The following CRADD variants were observed in gnomAD, a reference collection of about 807,000 sequenced individuals.
The protein encoded by CRADD is death domain-containing protein CRADD.
CRADD carries 9 observed loss-of-function variants against 15.5 expected under a neutral mutation model. The ratio of observed to expected loss-of-function variants is 0.58; its 90% CI spans 0.35 to 1.01. CRADD has a LOEUF of 1.01. Ranked by LOEUF, CRADD falls within the 50% of genes least tolerant of loss-of-function variation. CRADD has a pLI of 0.02. For synonymous variants in CRADD, 118 were observed against 107.6 expected (o/e 1.10, Z -0.60); for missense variants, 227 against 250.3 (o/e 0.91, Z 0.63).
At chr12:93,894,141 A>G (rs867574669) in exon 3 of CRADD, 11 of 702,240 alleles carry the variant, frequency 1.6e-5, no homozygotes, top group East Asian at 5.4e-5. Context: ...TCTCTCTGCC[A>G]TCACCCCAGA....
At chr12:93,686,380 TA>T (rs555897550) in intron 2 of CRADD, among the ~76,000 whole-genome samples, 42 of 150,238 alleles carry the variant, frequency 2.8e-4, no homozygotes, top group Non-Finnish European at 4.9e-4. Flanking sequence ...TTTCATCATA[TA>T]TTTTTTTAAT....
At chr12:93,736,414 A>T (rs1256112818) in intron 2 of CRADD, among the ~76,000 whole-genome samples, 3 of 152,118 alleles carry the variant, frequency 2.0e-5, no homozygotes, top group Admixed American at 6.5e-5. Flanking sequence ...GACCACCATC[A>T]TTTATGTTTT....
intron 2 of CRADD, among the ~76,000 whole-genome samples, chr12:93,816,443 T>TCAC: frequency 6.8e-6 from 1 of 146,254 alleles, no homozygotes; most frequent in Non-Finnish European, 1.5e-5. Flanking sequence ...GTCAGGCTGG[T>TCAC]CTCAAACTCC....
chr12:93,783,812 G>A (rs1957239485), intron 2 of CRADD, among the ~76,000 whole-genome samples: 1 of 152,142 alleles, frequency 6.6e-6, no homozygotes, highest in Admixed American at 6.5e-5. Flanking sequence ...CAAAGCAAAT[G>A]AACAAGTGAA....
In CRADD at chr12:93,824,442, T is replaced by A. The variant is rs1957802867; in HGVS notation, c.299-25528T>A. ...CACATACACACACACACACACACAC[T>A]ACCAGGAAGCAGGCTAAAAGAATAT... On this transcript the variant is annotated intron_variant, in intron 2 of 2. Coordinates refer to ENST00000332896, the MANE Select transcript of CRADD (RefSeq NM_003805.5). The surrounding 1 kb of genome is among the most constrained non-coding windows in gnomAD (Gnocchi z 4.3). 7.1e-6 allele frequency among the ~76,000 whole-genome samples: 1 copy of A among 141,100 alleles called. No individual in the cohort carries two copies. The highest frequency in any genetic ancestry group is 2.6e-5 in the African/African-American group (1 of 38,028). The allele number at this position is 141,100 out of a possible 152,430, so 92.6% of individuals were successfully genotyped here.
chr12:93,775,710 A>G (rs1387234426), intron 2 of CRADD, among the ~76,000 whole-genome samples: 4 of 152,168 alleles, frequency 2.6e-5, no homozygotes, highest in Non-Finnish European at 4.4e-5. Context: ...TCAGAATCCT[A>G]TGATGCTTTC....
intron 2 of CRADD, among the ~76,000 whole-genome samples, chr12:93,888,068 G>C (rs1958550159): frequency 6.6e-6 from 1 of 152,160 alleles, no homozygotes; most frequent in South Asian, 2.1e-4. Context: ...CAAAGGAATA[G>C]GGATGAGAGA....
intron 2 of CRADD, among the ~76,000 whole-genome samples, chr12:93,770,213 A>G (rs2136959553): frequency 6.8e-6 from 1 of 147,828 alleles, no homozygotes; most frequent in South Asian, 2.2e-4. Flanking sequence ...CTCCTGCCTC[A>G]GCCTCCCGAG....
chr12:93,824,104 T>C lies in CRADD; in HGVS notation c.299-25866T>C, dbSNP rs1365926707. On this transcript the variant is annotated intron_variant, in intron 2 of 2. Transcript: ENST00000332896. The surrounding 1 kb of genome is among the most constrained non-coding windows in gnomAD (Gnocchi z 4.3). ...GTGTGTGTTTTGTTTTTATTTGTAA[T>C]ACCCTACTTTGATGTTTCCTGGAAA... 2.6e-5 allele frequency among the ~76,000 whole-genome samples: 4 copies of C among 152,194 alleles called. No homozygotes were observed. The highest frequency in any genetic ancestry group is 7.2e-5 in the African/African-American group (3 of 41,450).
intron 2 of CRADD, among the ~76,000 whole-genome samples, chr12:93,832,953 G>A (rs1397105944): frequency 6.6e-6 from 1 of 152,182 alleles, no homozygotes; most frequent in African/African-American, 2.4e-5. Flanking sequence ...CTCAACATCT[G>A]TACTCTGCTT....
At chr12:93,696,259 A>G (rs1287944737) in intron 2 of CRADD, among the ~76,000 whole-genome samples, 2 of 152,236 alleles carry the variant, frequency 1.3e-5, no homozygotes, top group East Asian at 1.9e-4. Flanking sequence ...AAGTGGAGTC[A>G]GTATATCAAA....
intron 2 of CRADD, among the ~76,000 whole-genome samples, chr12:93,805,613 CA>C (rs1957528676): frequency 7.0e-6 from 1 of 142,634 alleles, no homozygotes; most frequent in Non-Finnish European, 1.5e-5. Flanking sequence ...TAAAAATAAA[CA>C]GCTAACTAAC....
intron 2 of CRADD, among the ~76,000 whole-genome samples, chr12:93,682,074 G>T (rs1285550959): frequency 6.6e-6 from 1 of 151,948 alleles, no homozygotes; most frequent in Non-Finnish European, 1.5e-5. Context: ...ATTAAATTGG[G>T]ATTTACTGAA....
At position 93,785,967 on chromosome 12, in the gene CRADD, G is replaced by C. The variant is rs148649706; in HGVS notation, c.299-64003G>C. 2.0e-3 allele frequency among the ~76,000 whole-genome samples: 311 copies of C among 152,316 alleles called. 1 individual carries two copies. Among genetic ancestry groups the C allele is most frequent in the Non-Finnish European group, 3.8e-3 (261 of 68,036 alleles). On this transcript the variant is annotated intron_variant, in intron 2 of 2. Coordinates refer to ENST00000332896, the MANE Select transcript of CRADD (RefSeq NM_003805.5). ...TGGGATATACAGGTAAGACAGGACT[G>C]GTGGAGCATTAGGTTTGGTTTTTCC...
chr12:93,752,354 A>G (rs1015083076), intron 2 of CRADD, among the ~76,000 whole-genome samples: 3 of 152,236 alleles, frequency 2.0e-5, no homozygotes, highest in African/African-American at 7.2e-5. Flanking sequence ...TGTCAAAAGC[A>G]GGGATTTTAG....
chr12:93,846,783 A>G (rs1187907517), intron 2 of CRADD, among the ~76,000 whole-genome samples: 1 of 152,204 alleles, frequency 6.6e-6, no homozygotes. Flanking sequence ...TCCCAAAAGG[A>G]AGAAACAACT....
At chr12:93,861,473 G>A (rs1039065174) in intron 2 of CRADD, among the ~76,000 whole-genome samples, 24 of 152,230 alleles carry the variant, frequency 1.6e-4, no homozygotes, top group African/African-American at 1.2e-4. Context: ...AATGGCCTTT[G>A]GCTGTCAGCC....
chr12:93,866,239 A>T (rs1040899427), intron 2 of CRADD, among the ~76,000 whole-genome samples: 1 of 151,910 alleles, frequency 6.6e-6, no homozygotes, highest in Non-Finnish European at 1.5e-5. Context: ...TTTTCTTTTT[A>T]TCTCTTTCTA....
intron 2 of CRADD, among the ~76,000 whole-genome samples, chr12:93,761,042 G>GT (rs1956954075): frequency 6.6e-6 from 1 of 152,100 alleles, no homozygotes; most frequent in Non-Finnish European, 1.5e-5. Context: ...GGTGAGAAGG[G>GT]GTAGGAGATG....
Sources: gnomAD v4.1 joint callset for allele counts (sites outside exome capture counted in the v4.1 genomes callset) on GRCh38, gnomAD v4.1.1 for gene constraint, Gnocchi (gnomAD v3.1) non-coding constraint, MANE v1.5 for transcripts, NCBI Gene and HGNC (gene_info 2026-07-23, HGNC 2026-07-21) for gene names.